TOX2: variants seen among roughly 807,000 people sequenced by gnomAD.
The protein encoded by TOX2 is TOX high mobility group box family member 2, also known as granulosa cell HMG box 1.
Under a neutral mutation model 47.4 loss-of-function variants are expected in TOX2, and 15 were observed. The ratio of observed to expected loss-of-function variants is 0.32; its 90% CI spans 0.21 to 0.49. The LOEUF is 0.49. TOX2 is among the 20% of genes least tolerant of loss of function. The probability of loss-of-function intolerance (pLI) is 0.99; values close to 1 mark genes in which losing one functional copy is unlikely to be tolerated. For missense variants in TOX2, 622 were observed against 673.1 expected, an observed-to-expected ratio of 0.92 and a Z score of 0.84; for synonymous variants, 290 against 296.6, an observed-to-expected ratio of 0.98 and a Z score of 0.23.
At chr20:43,974,329 G>A (rs1451330594) in intron 2 of TOX2, among the ~76,000 whole-genome samples, 1 of 151,152 alleles carries the variant, frequency 6.6e-6, no homozygotes, top group Non-Finnish European at 1.5e-5. Context: ...CTGCAGGCGG[G>A]GGCCCCAGGG....
At chr20:43,977,444 T>G (rs920179861) in intron 2 of TOX2, among the ~76,000 whole-genome samples, 1 of 152,226 alleles carries the variant, frequency 6.6e-6, no homozygotes, top group African/African-American at 2.4e-5. Context: ...AATTTGTTCT[T>G]TAATGTAACA....
chr20:43,994,314 C>A (rs1342826616), intron 2 of TOX2, among the ~76,000 whole-genome samples: 1 of 151,724 alleles, frequency 6.6e-6, no homozygotes, highest in Non-Finnish European at 1.5e-5. Context: ...AAAAAATTAA[C>A]CAGGTGTGTT....
intron 2 of TOX2, 51 bp from the exon 3 acceptor site, chr20:44,006,496 C>A: frequency 6.4e-7 from 1 of 1,561,640 alleles, no homozygotes; most frequent in Non-Finnish European, 8.6e-7. Flanking sequence ...TGGGTATGTT[C>A]TGCGGTTGTA....
intron 1 of TOX2, among the ~76,000 whole-genome samples, chr20:43,967,839 TAATG>T (rs2069886865): frequency 6.6e-6 from 1 of 152,204 alleles, no homozygotes; most frequent in Non-Finnish European, 1.5e-5. Flanking sequence ...CATTTAAAAA[TAATG>T]AAAAGAGTAT....
intron 3 of TOX2, among the ~76,000 whole-genome samples, chr20:44,018,407 A>G (rs1252292626): frequency 1.3e-5 from 2 of 152,168 alleles, no homozygotes; most frequent in Non-Finnish European, 2.9e-5. Context: ...TTAAGGGAAA[A>G]TCGCAGCGAC....
chr20:43,915,098 C>A lies in TOX2; in HGVS notation c.99+108C>A. On this transcript the variant is annotated intron_variant, in intron 1 of 8. Transcript: ENST00000341197. This position sits in a 1 kb window ranked among gnomAD's most constrained non-coding sequence, Gnocchi z 7.1. ...ACGGGGCCGCGCACATCAGCCCCGC[C>A]GACGGGCACGGGCGGCTCACATCGA... is the stretch of plus-strand genomic sequence containing the variant. 1.8e-6 allele frequency: 1 copy of A among 549,574 alleles called. No homozygotes were observed. The highest frequency in any genetic ancestry group is 7.7e-5 in the South Asian group (1 of 13,068). The allele number at this position is 549,574 out of a possible 1,614,324, so 34.0% of individuals were successfully genotyped here.
At chr20:44,022,695 G>A (rs545230087) in intron 3 of TOX2, among the ~76,000 whole-genome samples, 8 of 152,130 alleles carry the variant, frequency 5.3e-5, no homozygotes, top group Non-Finnish European at 8.8e-5. Context: ...TTCTTCTCTC[G>A]GTTCTGTCTG....
intron 1 of TOX2, among the ~76,000 whole-genome samples, chr20:43,935,021 G>T (rs1350513244): frequency 6.6e-6 from 1 of 152,160 alleles, no homozygotes; most frequent in Non-Finnish European, 1.5e-5. Context: ...ACAGCTGGGT[G>T]TCTGGCCACT....
At chr20:44,007,676 T>C (rs1299509698) in intron 3 of TOX2, 2 of 152,336 alleles carry the variant, frequency 1.3e-5, no homozygotes, top group African/African-American at 4.8e-5. Context: ...CAAGACCCCG[T>C]CTCTACAAAA....
At chr20:44,053,351 C>T (rs1486969970) in intron 4 of TOX2, among the ~76,000 whole-genome samples, 1 of 151,968 alleles carries the variant, frequency 6.6e-6, no homozygotes, top group Non-Finnish European at 1.5e-5. Flanking sequence ...CTCAAAGCTG[C>T]ACAGCTGAAA....
chr20:43,955,594 A>G (rs6031257), intron 1 of TOX2, among the ~76,000 whole-genome samples: 4,624 of 152,288 alleles, frequency 0.03, 232 homozygotes, highest in African/African-American at 0.1. Context: ...TGCAAATTGC[A>G]TGAGTCACCC....
Position 44,066,127 on chromosome 20 carries a change from A to G in TOX2, c.1356+20A>G, listed in dbSNP as rs1311889452. On this transcript the variant is annotated intron_variant, in intron 7 of 8. Coordinates refer to ENST00000341197, the MANE Select transcript of TOX2 (RefSeq NM_001098797.2). Reference sequence around the variant, plus strand: ...CCACAGGTAAGCAGGGAAGAGCAGAACAGCCCTTCTGTGACCGTGTGGGGA... The same window carrying G: ...CCACAGGTAAGCAGGGAAGAGCAGAGCAGCCCTTCTGTGACCGTGTGGGGA... 1.3e-6 allele frequency: 2 copies of G among 1,515,336 alleles called. No homozygotes were observed. Among genetic ancestry groups the G allele is most frequent in the Non-Finnish European group, 1.8e-6 (2 of 1,135,774 alleles). The allele number at this position is 1,515,336 out of a possible 1,614,324, so 93.9% of individuals were successfully genotyped here. A position where few individuals can be genotyped will look rare whatever the true frequency, so the allele number is the denominator to read the frequency against.
At chr20:44,045,118 TG>T (rs2071393327) in intron 3 of TOX2, among the ~76,000 whole-genome samples, 1 of 151,936 alleles carries the variant, frequency 6.6e-6, no homozygotes, top group Non-Finnish European at 1.5e-5. Flanking sequence ...AAGAGAGGAA[TG>T]GGGAGTTCTT....
intron 1 of TOX2, among the ~76,000 whole-genome samples, chr20:43,922,493 G>A (rs1189109521): frequency 6.6e-6 from 1 of 152,162 alleles, no homozygotes; most frequent in East Asian, 1.9e-4. Context: ...TCAGTCCACT[G>A]TCTCCCTTCA....
At chr20:44,024,007 C>CT (rs1196946409) in intron 3 of TOX2, among the ~76,000 whole-genome samples, 1 of 152,134 alleles carries the variant, frequency 6.6e-6, no homozygotes, top group Non-Finnish European at 1.5e-5. Context: ...TATAAGATAG[C>CT]TTTATCATAC....
At chr20:43,987,823 C>T (rs111397076) in intron 2 of TOX2, among the ~76,000 whole-genome samples, 341 of 152,212 alleles carry the variant, frequency 2.2e-3, no homozygotes, top group African/African-American at 7.9e-3. Flanking sequence ...GCACGGGCTT[C>T]CCCAGATCTG....
At chr20:44,043,110 A>T (rs758327281) in intron 3 of TOX2, among the ~76,000 whole-genome samples, 1 of 152,140 alleles carries the variant, frequency 6.6e-6, no homozygotes, top group Admixed American at 6.6e-5. Flanking sequence ...GGAAGATGTC[A>T]CTCAGGGACT....
At chr20:43,957,504 A>G (rs2069687689) in intron 1 of TOX2, among the ~76,000 whole-genome samples, 2 of 151,956 alleles carry the variant, frequency 1.3e-5, no homozygotes, top group African/African-American at 4.8e-5. Context: ...ACCGTTGTCA[A>G]GATTGAGCAG....
chr20:44,014,584 C>T (rs1353591174), intron 3 of TOX2, among the ~76,000 whole-genome samples: 1 of 152,140 alleles, frequency 6.6e-6, no homozygotes, highest in Non-Finnish European at 1.5e-5. Context: ...AACCCTGTGA[C>T]CCAGATCAAG....
Sources: allele counts gnomAD v4.1 joint callset (sites outside exome capture counted in the v4.1 genomes callset), GRCh38; gene constraint gnomAD v4.1.1; non-coding constraint Gnocchi (gnomAD v3.1); transcripts MANE v1.5; gene names NCBI Gene and HGNC (gene_info 2026-07-23, HGNC 2026-07-21).